ATP11C: variants seen among roughly 807,000 people sequenced by gnomAD.
ATP11C encodes the protein phospholipid-transporting ATPase IG.
In ATP11C, 36 loss-of-function variants were observed where a neutral mutation model predicts 97.4. The ratio of observed to expected loss-of-function variants is 0.37; its 90% CI spans 0.28 to 0.49. The LOEUF (loss-of-function observed/expected upper bound fraction) is 0.49. ATP11C is among the 20% of genes least tolerant of loss of function. The pLI, the probability that ATP11C is intolerant of heterozygous loss-of-function variation, is 0.98. For synonymous variants in ATP11C, 275 were observed against 290.9 expected (o/e 0.95, Z 0.56); for missense variants, 730 against 824.6 (o/e 0.89, Z 1.40).
At chrX:139,760,756 T>C (rs1437308124) in intron 22 of ATP11C, among the ~76,000 whole-genome samples, 1 of 111,622 alleles carries the variant, frequency 9.0e-6, no homozygotes, top group African/African-American at 3.3e-5. Context: ...GTGTCCAATA[T>C]TGGGGATTTG....
intron 1 of ATP11C, among the ~76,000 whole-genome samples, chrX:139,918,188 T>C (rs902098895): frequency 4.5e-5 from 5 of 111,523 alleles, no homozygotes; most frequent in African/African-American, 1.6e-4. Context: ...AGAGAGATAT[T>C]TGCACACTGA....
chrX:139,803,964 G>C (rs900899988), intron 6 of ATP11C, among the ~76,000 whole-genome samples: 1 of 109,992 alleles, frequency 9.1e-6, no homozygotes, highest in African/African-American at 3.3e-5. Context: ...GCCTCCCAAA[G>C]TGCTAGGATT....
At chrX:139,737,237 G>A (rs1196642111) in intron 28 of ATP11C, among the ~76,000 whole-genome samples, 1 of 111,165 alleles carries the variant, frequency 9.0e-6, no homozygotes, top group Non-Finnish European at 1.9e-5. Context: ...TCGCTTTAAA[G>A]GCTTTTTAAA....
At chrX:139,871,461 G>A (rs925650370) in intron 1 of ATP11C, among the ~76,000 whole-genome samples, 3 of 107,995 alleles carry the variant, frequency 2.8e-5, no homozygotes, top group Non-Finnish European at 3.8e-5. Context: ...CGCCTACCTC[G>A]GCCTCCGAAA....
At chrX:139,888,423 G>A (rs751628580) in intron 1 of ATP11C, among the ~76,000 whole-genome samples, 4 of 110,885 alleles carry the variant, frequency 3.6e-5, no homozygotes, top group Non-Finnish European at 7.6e-5. Context: ...GAGCCACTGC[G>A]CCCAGCCCAA....
intron 2 of ATP11C, among the ~76,000 whole-genome samples, chrX:139,822,539 G>A (rs1013540083): frequency 3.4e-4 from 38 of 111,127 alleles, no homozygotes; most frequent in South Asian, 1.5e-3. Context: ...TCAGCGTCCC[G>A]AGTAGCTGGA....
chrX:139,810,820 C>T (rs2083154860), intron 5 of ATP11C, among the ~76,000 whole-genome samples: 1 of 110,064 alleles, frequency 9.1e-6, no homozygotes. Flanking sequence ...ATTTCATGCC[C>T]ATCTCATGTG....
At chrX:139,813,842 C>T (rs1268300758) in intron 5 of ATP11C, among the ~76,000 whole-genome samples, 1 of 111,320 alleles carries the variant, frequency 9.0e-6, no homozygotes, top group African/African-American at 3.3e-5. Flanking sequence ...TACATATGTA[C>T]ATATATACAA....
intron 27 of ATP11C, 88 bp downstream of exon 27, chrX:139,740,903 A>G: frequency 3.8e-6 from 2 of 520,494 alleles, no homozygotes; most frequent in Non-Finnish European, 6.3e-6. Context: ...AAATTTTTAA[A>G]GTATAATGAA....
chrX:139,784,980 G>A (rs2082543237), intron 16 of ATP11C, among the ~76,000 whole-genome samples: 1 of 111,327 alleles, frequency 9.0e-6, no homozygotes, highest in East Asian at 2.8e-4. Flanking sequence ...CAAGGCAGAG[G>A]GATATGGTTC....
intron 1 of ATP11C, among the ~76,000 whole-genome samples, chrX:139,882,429 G>A (rs1210529876): frequency 9.0e-6 from 1 of 111,514 alleles, no homozygotes; most frequent in African/African-American, 3.3e-5. Context: ...GACCCCATCT[G>A]CCTCAGAAAC....
chrX:139,768,407 T>TC lies in ATP11C; in HGVS notation c.2243dup (p.Leu749IlefsTer15). On this transcript the variant is annotated frameshift_variant, in exon 20 of 30. Coordinates refer to ENST00000682941, the MANE Select transcript of ATP11C (RefSeq NM_001353812.2). LOFTEE classifies it high-confidence loss of function. ...ACAATGTGGAGCCATCTATGATTAA[T>TC]CCATATTCCTGATGTTCTGTCCATG... The TC allele has an allele frequency of 8.8e-7, 1 of 1,138,001 alleles. No homozygotes were observed. The highest frequency in any genetic ancestry group is 1.2e-6 in the Non-Finnish European group (1 of 853,832). 93.8% of individuals were successfully genotyped at this position (1,138,001 alleles called of 1,213,427 possible). A position where few individuals can be genotyped will look rare whatever the true frequency, so the allele number is the denominator to read the frequency against.
chrX:139,886,584 CA>C (rs144833892), intron 1 of ATP11C, among the ~76,000 whole-genome samples: 8,665 of 34,670 alleles, frequency 0.25, 1,019 homozygotes, highest in African/African-American at 0.49. Flanking sequence ...GACTCCATCT[CA>C]AAAAAAAAAA....
chrX:139,852,854 G>C (rs924130322), intron 1 of ATP11C, among the ~76,000 whole-genome samples: 2 of 111,112 alleles, frequency 1.8e-5, no homozygotes, highest in African/African-American at 3.3e-5. Flanking sequence ...GACCTTCAGA[G>C]GGGAAAAGGG....
chrX:139,886,056 TAC>T (rs1168468614), intron 1 of ATP11C, among the ~76,000 whole-genome samples: 3 of 110,273 alleles, frequency 2.7e-5, no homozygotes, highest in Non-Finnish European at 3.8e-5. Context: ...AGAAAAAAAA[TAC>T]AGATACTTAT....
intron 3 of ATP11C, among the ~76,000 whole-genome samples, chrX:139,817,468 G>A (rs2083310733): frequency 8.9e-6 from 1 of 112,804 alleles, no homozygotes; most frequent in Admixed American, 9.4e-5. Context: ...TGTGGTGTGA[G>A]ATGGGGCTGG....
chrX:139,809,906 C>T (rs1464845185), intron 5 of ATP11C, among the ~76,000 whole-genome samples: 5 of 110,807 alleles, frequency 4.5e-5, no homozygotes, highest in Non-Finnish European at 7.6e-5. Context: ...ACAGACGTTG[C>T]GGTGAGCCAA....
intron 12 of ATP11C, among the ~76,000 whole-genome samples, chrX:139,795,389 G>C (rs1314554216): frequency 9.0e-6 from 1 of 111,664 alleles, no homozygotes; most frequent in African/African-American, 3.3e-5. Flanking sequence ...GGAAGTAAGA[G>C]TTTTGAGGTG....
In ATP11C at chrX:139,732,140, T is replaced by C. The variant is rs746490608; in HGVS notation, c.3289-385A>G. Among the ~76,000 whole-genome samples the C allele has an allele frequency of 1.4e-4, 16 of 110,435 alleles. No individual in the cohort carries two copies. In the Admixed American group the frequency reaches 1.5e-3, roughly 10 times the overall value. On this transcript the variant is annotated intron_variant, in intron 28 of 29. Transcript: ENST00000682941. ...TGCCGTATTATCAAACAAAGAGAAA[T>C]TTGTGCAAAACATTCCTGTCCTGGT... is the stretch of plus-strand genomic sequence containing the variant.
Sources: gnomAD v4.1 joint callset for allele counts (sites outside exome capture counted in the v4.1 genomes callset) on GRCh38, gnomAD v4.1.1 for gene constraint, MANE v1.5 for transcripts, NCBI Gene and HGNC (gene_info 2026-07-23, HGNC 2026-07-21) for gene names.